The following NFS1 variants were observed in gnomAD, a reference collection of about 807,000 sequenced individuals.
NFS1 encodes NFS1 cysteine desulfurase.
Under a neutral mutation model 57.3 loss-of-function variants are expected in NFS1, and 26 were observed. That is an observed-to-expected ratio of 0.45 (90% confidence interval 0.33 to 0.63). The LOEUF (loss-of-function observed/expected upper bound fraction) is 0.63. Ranked by LOEUF, NFS1 falls within the 20% of genes least tolerant of loss-of-function variation. The pLI is 0.02. For missense variants in NFS1, 505 were observed against 605.8 expected (o/e 0.83, Z 1.75); for synonymous variants, 209 against 216.3 (o/e 0.97, Z 0.30).
In NFS1 at chr20:35,669,422, T is replaced by C. The variant is rs2034616650; in HGVS notation, c.*200A>G. 1 of 545,256 alleles carries C rather than the reference T, an allele frequency of 1.8e-6. No homozygotes were observed. Among genetic ancestry groups the C allele is most frequent in the African/African-American group, 1.9e-5 (1 of 53,074 alleles). 33.8% of individuals were successfully genotyped at this position (545,256 alleles called of 1,614,324 possible). Reference sequence around the variant, plus strand: ...ACACACTTTAAGACCCGAGAAGAAATGGGGAGTGCTCCACACCCAAGGAAC... The same window carrying C: ...ACACACTTTAAGACCCGAGAAGAAACGGGGAGTGCTCCACACCCAAGGAAC... On this transcript the variant is annotated 3_prime_UTR_variant, in exon 13 of 13. Transcript: ENST00000374092.
intron 2 of NFS1, 132 bp downstream of exon 2, chr20:35,698,349 G>T: frequency 1.4e-6 from 1 of 700,370 alleles, no homozygotes; most frequent in South Asian, 1.9e-5. Flanking sequence ...TAAGCCTCCC[G>T]ACTCCTCGCT....
intron 8 of NFS1, 39 bp from the exon 9 acceptor site, chr20:35,674,656 A>C: frequency 6.7e-7 from 1 of 1,503,622 alleles, no homozygotes; most frequent in Non-Finnish European, 9.3e-7. Flanking sequence ...AGTAACCATT[A>C]ACCAGCTCAG....
chr20:35,698,743 A>G, intron 1 of NFS1, 153 bp from the exon 2 acceptor site: 1 of 1,414,604 alleles, frequency 7.1e-7, no homozygotes, highest in Non-Finnish European at 9.2e-7. Context: ...AACACCAGAT[A>G]CCTGACACGC....
intron 5 of NFS1, 52 bp downstream of exon 5, chr20:35,690,361 G>A (rs2035021287): frequency 6.4e-7 from 1 of 1,573,288 alleles, no homozygotes; most frequent in Non-Finnish European, 8.7e-7. Flanking sequence ...AAATTTACAA[G>A]CTGAAGCCAG....
chr20:35,678,263 G>A (rs2034789289), intron 7 of NFS1, among the ~76,000 whole-genome samples: 1 of 152,178 alleles, frequency 6.6e-6, no homozygotes, highest in Non-Finnish European at 1.5e-5. Context: ...GCTGAGGCAG[G>A]AGAATGTCGT....
At position 35,686,177 on chromosome 20, in the gene NFS1, C is replaced by T. The variant is rs544471738; in HGVS notation, c.562-4196G>A. On this transcript the variant is annotated intron_variant, in intron 5 of 12. Coordinates refer to ENST00000374092, the MANE Select transcript of NFS1 (RefSeq NM_021100.5). ...AACTTCTGACCTCAGATGAACTGGT[C>T]ACCTCGGCCTCCAACTCCCGACCTC... is the stretch of plus-strand genomic sequence containing the variant. 2.0e-5 allele frequency among the ~76,000 whole-genome samples: 3 copies of T among 151,548 alleles called. No homozygotes were observed. The East Asian group carries it at 5.9e-4, about 30-fold the overall frequency.
intron 4 of NFS1, 42 bp downstream of exon 4, chr20:35,696,335 G>A (rs748533712): frequency 2.2e-6 from 3 of 1,351,252 alleles, no homozygotes; most frequent in East Asian, 2.3e-5. Context: ...TATCTCCTAG[G>A]TCAGGAAAGC....
chr20:35,671,381 G>A (rs1017527293), intron 12 of NFS1, among the ~76,000 whole-genome samples: 4 of 152,150 alleles, frequency 2.6e-5, no homozygotes, highest in Non-Finnish European at 4.4e-5. Flanking sequence ...GATTACAGGC[G>A]TGAGCCACCG....
chr20:35,692,087 G>A (rs1336351514), intron 4 of NFS1, among the ~76,000 whole-genome samples: 4 of 152,110 alleles, frequency 2.6e-5, no homozygotes, highest in Admixed American at 2.6e-4. Context: ...TCTGGAGGCT[G>A]AGGCAGGAGA....
At chr20:35,671,391 G>A (rs775026108) in intron 12 of NFS1, among the ~76,000 whole-genome samples, 2 of 150,872 alleles carry the variant, frequency 1.3e-5, no homozygotes, top group African/African-American at 4.9e-5. Context: ...GTGAGCCACC[G>A]TGCCCAGCCA....
At chr20:35,693,484 A>T (rs1200564819) in intron 4 of NFS1, among the ~76,000 whole-genome samples, 2 of 152,232 alleles carry the variant, frequency 1.3e-5, no homozygotes, top group Non-Finnish European at 2.9e-5. Context: ...AAACTTGGAA[A>T]GAAAATGTGC....
At chr20:35,693,823 G>A (rs931920803) in intron 4 of NFS1, among the ~76,000 whole-genome samples, 14 of 152,142 alleles carry the variant, frequency 9.2e-5, no homozygotes, top group Admixed American at 6.5e-4. Flanking sequence ...TTAGCCAGGC[G>A]TGGTGGTGGG....
In NFS1 at chr20:35,673,538, G is replaced by C. The variant is rs75669175; in HGVS notation, c.1220+63C>G. The C allele has an allele frequency of 5.4e-3, 7,650 of 1,417,602 alleles. 345 individuals carry two copies. The African/African-American group carries it at 0.094, about 17-fold the overall frequency. 87.8% of individuals were successfully genotyped at this position (1,417,602 alleles called of 1,614,324 possible). Reference sequence around the variant, plus strand: ...TTCAGGGTGGAAAAAGAAAAAAACTGTAACAGGAGATGAAAAATATAAGAG... The same window carrying C: ...TTCAGGGTGGAAAAAGAAAAAAACTCTAACAGGAGATGAAAAATATAAGAG... On this transcript the variant is annotated intron_variant, in intron 11 of 12. Coordinates refer to ENST00000374092, the MANE Select transcript of NFS1 (RefSeq NM_021100.5).
At position 35,676,871 on chromosome 20, in the gene NFS1, TCC is replaced by T. The variant is rs1436474956; in HGVS notation, c.791-1671_791-1670del. Reference sequence around the variant, plus strand: ...CAGACTTTTGTCTGTGCCTTTTTTTTCCCTTTTTTTTTGAGACAAGAGTCTTG... The same window carrying T: ...CAGACTTTTGTCTGTGCCTTTTTTTTCTTTTTTTTTGAGACAAGAGTCTTG... On this transcript the variant is annotated intron_variant, in intron 7 of 12. Transcript: ENST00000374092. Among the ~76,000 whole-genome samples the T allele has an allele frequency of 2.0e-5, 3 of 151,496 alleles. No individual in the cohort carries two copies. In the South Asian group the frequency reaches 6.3e-4, roughly 32 times the overall value.
intron 4 of NFS1, 104 bp downstream of exon 4, chr20:35,696,273 G>A: frequency 1.3e-6 from 1 of 775,004 alleles, no homozygotes. Flanking sequence ...ACAATGGGGT[G>A]GGGATGGATG....
Position 35,681,923 on chromosome 20 carries a change from T to C in NFS1, c.620A>G (p.Asn207Ser), listed in dbSNP as rs1479373750. Reference sequence around the variant, plus strand: ...AATAGGCTGCTTCACTCCAATCTCATTGTTCACAGTCATGACTGACACCAG... The same window carrying C: ...AATAGGCTGCTTCACTCCAATCTCACTGTTCACAGTCATGACTGACACCAG... ...TSLVSVMTVN[N>S]EIGVKQPIAE... The change falls in exon 6 of 13, where the codon AAT becomes AGT. Residue 207 changes from asparagine (N) to serine (S), a missense_variant. Physicochemically the swap from Asn to Ser is conservative, Grantham distance 46. Transcript: ENST00000374092. 12 of 1,613,146 alleles carry C rather than the reference T, an allele frequency of 7.4e-6. No homozygotes were observed. The highest frequency in any genetic ancestry group is 4.4e-5 in the South Asian group (4 of 91,062).
rs759662480 is a variant in NFS1 at position 35,672,842 on chromosome 20, A to C, written c.1223T>G (p.Phe408Cys). The change falls in exon 12 of 13, where the codon TTT (phenylalanine) becomes TGT (cysteine). Residue 408 changes from phenylalanine to cysteine, a missense_variant and splice_region_variant. Phe to Cys is a radical substitution (Grantham distance 205). Coordinates refer to ENST00000374092, the MANE Select transcript of NFS1 (RefSeq NM_021100.5). The part of the protein sequence containing the change: ...DEDLAHSSIR[F>C]GIGRFTTEEE... ...CTCTGTAGTGAAGCGGCCAATTCCA[A>C]ACCTGAAAAAAGGCACAGGAGAATG... 3 of 1,594,746 alleles carry C rather than the reference A, an allele frequency of 1.9e-6. No homozygotes were observed. Among genetic ancestry groups the C allele is most frequent in the East Asian group, 4.5e-5 (2 of 44,632 alleles).
In NFS1 at chr20:35,677,117, G is replaced by C. The variant is rs556556817; in HGVS notation, c.791-1915C>G. On this transcript the variant is annotated intron_variant, in intron 7 of 12. Transcript: ENST00000374092. The stretch of plus-strand genomic sequence containing the variant: ...CCTGGCCTCATGATCTGCCCGCCTC[G>C]GCCTCCCAAAGTGCTGCAATTACAG... 3.3e-5 allele frequency among the ~76,000 whole-genome samples: 5 copies of C among 152,242 alleles called. No individual in the cohort carries two copies. In the South Asian group the frequency reaches 1.0e-3, roughly 32 times the overall value.
intron 4 of NFS1, among the ~76,000 whole-genome samples, chr20:35,692,683 A>G (rs924998767): frequency 4.6e-5 from 7 of 151,062 alleles, no homozygotes; most frequent in African/African-American, 1.7e-4. Flanking sequence ...TGAGATCAAG[A>G]CTCTGTCTCA....
Sources: allele counts gnomAD v4.1 joint callset (sites outside exome capture counted in the v4.1 genomes callset), GRCh38; gene constraint gnomAD v4.1.1; transcripts MANE v1.5; gene names NCBI Gene and HGNC (gene_info 2026-07-23, HGNC 2026-07-21).